RANBP17: variants seen among roughly 807,000 people sequenced by gnomAD.
RANBP17 encodes RAN binding protein 17.
Under a neutral mutation model 141.2 loss-of-function variants are expected in RANBP17, and 158 were observed. The observed-to-expected ratio is 1.12, with a 90% CI of 0.98 to 1.28. The LOEUF (loss-of-function observed/expected upper bound fraction) is 1.28, where lower values mean the gene tolerates loss of function less well. Among genes scored for constraint, RANBP17 ranks in the 50% most tolerant of loss-of-function variants. The pLI is 0.00. For synonymous variants in RANBP17, 430 were observed against 450.0 expected (o/e 0.96, Z 0.56); for missense variants, 1,438 against 1,290.7 (o/e 1.11, Z -1.75).
At chr5:171,015,024 C>T (rs578095352) in intron 14 of RANBP17, among the ~76,000 whole-genome samples, 2 of 151,978 alleles carry the variant, frequency 1.3e-5, no homozygotes, top group Non-Finnish European at 2.9e-5. Context: ...GAGAAATCTG[C>T]TGTAATCCTT....
At chr5:171,082,482 A>G (rs1265709282) in intron 14 of RANBP17, among the ~76,000 whole-genome samples, 20 of 152,130 alleles carry the variant, frequency 1.3e-4, no homozygotes, top group Admixed American at 1.3e-3. Flanking sequence ...GCTATAATCA[A>G]TGTATGCATC....
intron 18 of RANBP17, among the ~76,000 whole-genome samples, chr5:171,191,673 C>T (rs1339094117): frequency 6.7e-6 from 1 of 150,272 alleles, no homozygotes; most frequent in East Asian, 2.0e-4. Context: ...GGCAACAGAG[C>T]GAGACTCCGT....
chr5:171,140,012 T>C (rs1757585161), intron 14 of RANBP17, among the ~76,000 whole-genome samples: 1 of 152,166 alleles, frequency 6.6e-6, no homozygotes, highest in Non-Finnish European at 1.5e-5. Context: ...TCCAGGACTT[T>C]ACATACATCA....
At chr5:171,193,012 T>C (rs1273121684) in intron 18 of RANBP17, among the ~76,000 whole-genome samples, 1 of 152,242 alleles carries the variant, frequency 6.6e-6, no homozygotes, top group East Asian at 1.9e-4. Flanking sequence ...TAATGAAGCA[T>C]TGGGAAATAG....
Position 170,901,423 on chromosome 5 carries a change from T to C in RANBP17, c.489+5308T>C, listed in dbSNP as rs893338471. ...TGTGTAGGCTATTTACAAAGGCACA[T>C]GAGATGGGTCTCCTGAATACAGCAT... is the stretch of plus-strand genomic sequence containing the variant. On this transcript the variant is annotated intron_variant, in intron 5 of 27. Transcript: ENST00000523189. Among the ~76,000 whole-genome samples the C allele has an allele frequency of 7.2e-5, 11 of 152,300 alleles. No homozygotes were observed. In the East Asian group the frequency reaches 1.9e-3, roughly 27 times the overall value.
intron 14 of RANBP17, among the ~76,000 whole-genome samples, chr5:171,115,979 A>G (rs1561670430): frequency 6.6e-6 from 1 of 152,180 alleles, no homozygotes. Context: ...AGGGCCCAGT[A>G]AAAATGGACA....
chr5:171,019,192 C>T (rs1042793292), intron 14 of RANBP17, among the ~76,000 whole-genome samples: 10 of 152,198 alleles, frequency 6.6e-5, no homozygotes, highest in Non-Finnish European at 1.5e-5. Flanking sequence ...CATCAATGTT[C>T]ATCAGAGATA....
chr5:171,093,945 A>G (rs560293179), intron 14 of RANBP17, among the ~76,000 whole-genome samples: 2 of 152,332 alleles, frequency 1.3e-5, no homozygotes, highest in South Asian at 4.1e-4. Flanking sequence ...TGCCCCATAA[A>G]TGGTAGCTAA....
rs377761076 is a variant in RANBP17 at position 171,230,111 on chromosome 5, C to T, written c.2422+8271C>T. ...TCTTATAGATTCTTCCCTTAAGGAACTTAAGTCCAGCAGGGGAGTCGGACA... is the reference window on the plus strand; with the variant it reads ...TCTTATAGATTCTTCCCTTAAGGAATTTAAGTCCAGCAGGGGAGTCGGACA... On this transcript the variant is annotated intron_variant, in intron 22 of 27. Coordinates refer to ENST00000523189, the MANE Select transcript of RANBP17 (RefSeq NM_022897.5). Among the ~76,000 whole-genome samples the T allele has an allele frequency of 1.4e-3, 218 of 152,170 alleles. 6 individuals carry two copies. The South Asian group carries it at 0.045, about 31-fold the overall frequency.
intron 14 of RANBP17, among the ~76,000 whole-genome samples, chr5:171,052,953 A>G (rs1324814610): frequency 2.1e-5 from 1 of 47,526 alleles, no homozygotes; most frequent in Non-Finnish European, 5.3e-5. Context: ...CCTGGGTTCA[A>G]GCGATTATCC....
chr5:170,918,461 T>C (rs926445443), intron 9 of RANBP17: 10 of 289,646 alleles, frequency 3.5e-5, no homozygotes, highest in Non-Finnish European at 5.8e-5. Context: ...TCCCCAAAAT[T>C]ATAATTTAGT....
intron 25 of RANBP17, among the ~76,000 whole-genome samples, chr5:171,277,530 C>T (rs1340394105): frequency 6.7e-6 from 1 of 149,082 alleles, no homozygotes; most frequent in Non-Finnish European, 1.5e-5. Context: ...AAACCTCAGG[C>T]TCGAACAGAG....
intron 14 of RANBP17, among the ~76,000 whole-genome samples, chr5:170,971,819 C>T (rs1013514286): frequency 6.6e-6 from 1 of 152,082 alleles, no homozygotes; most frequent in Non-Finnish European, 1.5e-5. Context: ...TCTACTTGCC[C>T]TCTTTGTTTC....
intron 14 of RANBP17, among the ~76,000 whole-genome samples, chr5:171,050,978 C>A (rs1256126511): frequency 1.3e-5 from 2 of 152,078 alleles, no homozygotes; most frequent in African/African-American, 4.8e-5. Flanking sequence ...ATGGTTCTTT[C>A]CCTTTCAGCA....
At chr5:171,012,034 ATTTG>A (rs1317807528) in intron 14 of RANBP17, among the ~76,000 whole-genome samples, 1 of 150,612 alleles carries the variant, frequency 6.6e-6, no homozygotes, top group Non-Finnish European at 1.5e-5. Context: ...CAAATAATAT[ATTTG>A]TTTAAACAAA....
At chr5:170,962,513 A>G (rs550509787) in intron 13 of RANBP17, among the ~76,000 whole-genome samples, 59 of 152,358 alleles carry the variant, frequency 3.9e-4, no homozygotes, top group African/African-American at 1.2e-3. Context: ...TAAAAACAAG[A>G]TACACCTTAT....
chr5:171,157,665 G>A (rs759068004), intron 14 of RANBP17, among the ~76,000 whole-genome samples: 10 of 152,324 alleles, frequency 6.6e-5, no homozygotes, highest in South Asian at 4.1e-4. Flanking sequence ...GTATGATAGC[G>A]CATGGTTAAA....
chr5:171,252,982 G>A, intron 24 of RANBP17: 2 of 1,354,116 alleles, frequency 1.5e-6, no homozygotes, highest in East Asian at 2.3e-5. Context: ...TCAGTCTCGG[G>A]ATTGAGGGGG....
chr5:171,015,161 G>C (rs1780344252), intron 14 of RANBP17, among the ~76,000 whole-genome samples: 1 of 151,956 alleles, frequency 6.6e-6, no homozygotes, highest in Non-Finnish European at 1.5e-5. Context: ...TCTTGTGCTT[G>C]GAGTTGAGCT....
Sources: allele counts gnomAD v4.1 joint callset (sites outside exome capture counted in the v4.1 genomes callset), GRCh38; gene constraint gnomAD v4.1.1; transcripts MANE v1.5; gene names NCBI Gene and HGNC (gene_info 2026-07-23, HGNC 2026-07-21).